The following SCLY variants were observed in gnomAD, a reference collection of about 807,000 sequenced individuals.
SCLY encodes the protein selenocysteine lyase.
Under a neutral mutation model 50.1 loss-of-function variants are expected in SCLY, and 38 were observed. The ratio of observed to expected loss-of-function variants is 0.76; its 90% CI spans 0.59 to 0.99. SCLY has a LOEUF of 0.99. SCLY is among the 50% of genes least tolerant of loss of function. The pLI is 0.00. For synonymous variants in SCLY, 243 were observed against 249.4 expected, an observed-to-expected ratio of 0.97 and a Z score of 0.24; for missense variants, 600 against 620.0, an observed-to-expected ratio of 0.97 and a Z score of 0.34.
rs1691376834 is a variant in SCLY at position 238,098,937 on chromosome 2, TC to T, written c.*584del. 1 of 223,834 alleles carries T rather than the reference TC, an allele frequency of 4.5e-6. No individual in the cohort carries two copies. Among genetic ancestry groups the T allele is most frequent in the South Asian group, 6.8e-5 (1 of 14,802 alleles). The allele number at this position is 223,834 out of a possible 1,614,324, so 13.9% of individuals were successfully genotyped here. ...TCCAAAGCTGCCCCCACCACCCTGC[TC>T]CTCTGGCCTCAGTGCACAGTGGCCC... is the stretch of plus-strand genomic sequence containing the variant. On this transcript the variant is annotated 3_prime_UTR_variant, in exon 12 of 12. Transcript: ENST00000254663.
intron 8 of SCLY, 63 bp from the exon 9 acceptor site, chr2:238,093,798 G>C: frequency 1.4e-6 from 2 of 1,480,246 alleles, no homozygotes; most frequent in Admixed American, 1.9e-5. Context: ...ACCGTTGAAA[G>C]CTTTTTGGCC....
At chr2:238,090,218 A>G (rs959470156) in intron 7 of SCLY, among the ~76,000 whole-genome samples, 4 of 152,214 alleles carry the variant, frequency 2.6e-5, no homozygotes, top group Non-Finnish European at 5.9e-5. Context: ...ACCACCAGAT[A>G]TCACTAACAC....
chr2:238,073,000 T>TAC (rs1301275169), intron 4 of SCLY, among the ~76,000 whole-genome samples: 1 of 152,240 alleles, frequency 6.6e-6, no homozygotes, highest in African/African-American at 2.4e-5. Context: ...TTTTAGCTCT[T>TAC]ACATTTAAAT....
chr2:238,084,247 G>T (rs1213595629), intron 7 of SCLY, among the ~76,000 whole-genome samples: 2 of 152,182 alleles, frequency 1.3e-5, no homozygotes, highest in Non-Finnish European at 2.9e-5. Flanking sequence ...ACCCACACCT[G>T]TCAGTCACAG....
At chr2:238,080,654 C>T (rs6720524) in intron 4 of SCLY, 67,650 of 152,378 alleles carry the variant, frequency 0.44, 15,443 homozygotes, top group Admixed American at 0.5. Flanking sequence ...CTAGATCCTT[C>T]CCCCATCCTG....
chr2:238,074,074 C>T (rs1265176007), intron 4 of SCLY, among the ~76,000 whole-genome samples: 5 of 152,030 alleles, frequency 3.3e-5, no homozygotes, highest in East Asian at 3.9e-4. Flanking sequence ...GGAGGTGAAG[C>T]GGGGAACGGA....
At chr2:238,061,583 T>C (rs1048683438) in intron 1 of SCLY, among the ~76,000 whole-genome samples, 1 of 152,132 alleles carries the variant, frequency 6.6e-6, no homozygotes, top group Non-Finnish European at 1.5e-5. Context: ...GGAGTCCTTC[T>C]GGCTGCTTCC....
intron 4 of SCLY, chr2:238,079,804 G>C (rs1239509648): frequency 1.3e-5 from 2 of 152,064 alleles, no homozygotes; most frequent in African/African-American, 4.8e-5. Context: ...GAGCCTCTTA[G>C]GTATGTAGAT....
intron 4 of SCLY, chr2:238,073,947 G>A: frequency 3.3e-6 from 1 of 298,904 alleles, no homozygotes; most frequent in Non-Finnish European, 6.5e-6. Flanking sequence ...CAAAATATGT[G>A]TTAATCAACT....
In SCLY at chr2:238,069,597, C is replaced by A; in HGVS notation, c.484+120C>A. On this transcript the variant is annotated intron_variant, in intron 4 of 11. Transcript: ENST00000254663. This position sits in a 1 kb window ranked among gnomAD's most constrained non-coding sequence, Gnocchi z 5.0. ...AGATGTAGATTCAGTGTGCCACTCA[C>A]TGTAACTCACTGGTTCTGATGAGGA... is the stretch of plus-strand genomic sequence containing the variant. The A allele has an allele frequency of 1.1e-6, 1 of 903,194 alleles. No individual in the cohort carries two copies. Among genetic ancestry groups the A allele is most frequent in the Non-Finnish European group, 1.6e-6 (1 of 617,806 alleles). 55.9% of individuals were successfully genotyped at this position (903,194 alleles called of 1,614,324 possible).
chr2:238,098,163 C>G, intron 11 of SCLY, 39 bp from the exon 12 acceptor site: 1 of 1,597,832 alleles, frequency 6.3e-7, no homozygotes, highest in Non-Finnish European at 8.5e-7. Context: ...CTTCCATGTG[C>G]CCTCAGCAGC....
chr2:238,063,260 T>G (rs1172854061), intron 1 of SCLY, among the ~76,000 whole-genome samples: 85 of 151,292 alleles, frequency 5.6e-4, no homozygotes, highest in Non-Finnish European at 7.8e-4. Flanking sequence ...GTTGTTGTTT[T>G]TTTTTTTTTT....
At chr2:238,078,366 T>C (rs1041174431) in intron 4 of SCLY, among the ~76,000 whole-genome samples, 22 of 152,348 alleles carry the variant, frequency 1.4e-4, no homozygotes, top group Middle Eastern at 3.4e-3. Context: ...TCACTTTTTG[T>C]TTCCTAGATG....
intron 7 of SCLY, among the ~76,000 whole-genome samples, chr2:238,090,362 A>G (rs1156246074): frequency 6.6e-6 from 1 of 152,220 alleles, no homozygotes; most frequent in African/African-American, 2.4e-5. Flanking sequence ...AACTTAAGAA[A>G]TTAATGGGCC....
chr2:238,081,925 C>A, intron 5 of SCLY, 89 bp downstream of exon 5: 1 of 1,577,242 alleles, frequency 6.3e-7, no homozygotes. Flanking sequence ...CCAGCTCTGG[C>A]CTCTCCCGTT....
At chr2:238,095,288 A>C (rs2065416760) in intron 10 of SCLY, among the ~76,000 whole-genome samples, 1 of 152,182 alleles carries the variant, frequency 6.6e-6, no homozygotes. Context: ...GGCTAGGAGC[A>C]GTTAGGATCA....
At chr2:238,094,589 C>A (rs763942093) in intron 10 of SCLY, 67 bp downstream of exon 10, 10 of 1,337,850 alleles carry the variant, frequency 7.5e-6, no homozygotes, top group South Asian at 1.2e-5. Context: ...GATTCTGGTC[C>A]GAGCCAGTGA....
intron 10 of SCLY, chr2:238,095,749 A>G (rs992786992): frequency 2.0e-5 from 3 of 151,806 alleles, no homozygotes; most frequent in Admixed American, 6.6e-5. Context: ...TTATTTATTT[A>G]TTTTTTGATT....
intron 4 of SCLY, chr2:238,081,470 C>T: frequency 2.1e-6 from 1 of 478,978 alleles, no homozygotes; most frequent in Non-Finnish European, 3.7e-6. Context: ...GAAAGGCACA[C>T]AGCTTCCACG....
Sources: allele counts gnomAD v4.1 joint callset (sites outside exome capture counted in the v4.1 genomes callset), GRCh38; gene constraint gnomAD v4.1.1; non-coding constraint Gnocchi (gnomAD v3.1); transcripts MANE v1.5; gene names NCBI Gene and HGNC (gene_info 2026-07-23, HGNC 2026-07-21).